EFCAB3: variants seen among roughly 807,000 people sequenced by gnomAD.
The protein encoded by EFCAB3 is EF-hand calcium binding domain 3.
In EFCAB3, 36 loss-of-function variants were observed where a neutral mutation model predicts 42.2. The ratio of observed to expected loss-of-function variants is 0.85; its 90% CI spans 0.65 to 1.13. The LOEUF (loss-of-function observed/expected upper bound fraction) is 1.13. EFCAB3 is among the 50% of genes most tolerant of loss of function. The pLI is 0.00. For missense variants in EFCAB3, 418 were observed against 505.1 expected (o/e 0.83, Z 1.65); for synonymous variants, 170 against 172.8 (o/e 0.98, Z 0.13).
intron 6 of EFCAB3, among the ~76,000 whole-genome samples, chr17:62,398,696 T>C (rs994169194): frequency 1.4e-5 from 2 of 142,394 alleles, no homozygotes; most frequent in African/African-American, 5.6e-5. Context: ...ATAATAATTA[T>C]ATATGTACAC....
intron 3 of EFCAB3, among the ~76,000 whole-genome samples, chr17:62,388,981 A>G (rs2070279709): frequency 6.6e-6 from 1 of 152,214 alleles, no homozygotes; most frequent in African/African-American, 2.4e-5. Flanking sequence ...TGATGGCCAC[A>G]AAGGAAGTTT....
At chr17:62,411,221 A>G (rs2070492383) in intron 8 of EFCAB3, among the ~76,000 whole-genome samples, 1 of 152,216 alleles carries the variant, frequency 6.6e-6, no homozygotes, top group Non-Finnish European at 1.5e-5. Context: ...ACTCTCAAAA[A>G]AAGTCAGTAG....
chr17:62,410,526 G>A (rs2070486168), intron 8 of EFCAB3, among the ~76,000 whole-genome samples: 1 of 152,106 alleles, frequency 6.6e-6, no homozygotes. Flanking sequence ...GGCCAAGGAA[G>A]GTGGATTGCT....
chr17:62,401,614 T>C (rs1598017445), intron 6 of EFCAB3, among the ~76,000 whole-genome samples: 1 of 152,228 alleles, frequency 6.6e-6, no homozygotes, highest in African/African-American at 2.4e-5. Flanking sequence ...TGTGGTATTA[T>C]TTCTGAGGAC....
intron 6 of EFCAB3, chr17:62,397,500 C>A (rs757465386): frequency 8.8e-6 from 5 of 567,774 alleles, no homozygotes; most frequent in Non-Finnish European, 1.7e-5. Context: ...TTGGGCACAG[C>A]CCTGAAGGCC....
chr17:62,409,282 C>T (rs1209936092), intron 8 of EFCAB3, among the ~76,000 whole-genome samples: 1 of 152,296 alleles, frequency 6.6e-6, no homozygotes, highest in Admixed American at 6.5e-5. Context: ...GTCTCAAACT[C>T]GTGACCTCAG....
chr17:62,383,204 A>G (rs2070219272), intron 2 of EFCAB3, 151 bp downstream of exon 2: 1 of 663,366 alleles, frequency 1.5e-6, no homozygotes. Flanking sequence ...GGCCAGATGC[A>G]GTGGCTCACA....
chr17:62,398,051 A>G, intron 6 of EFCAB3: 3 of 263,346 alleles, frequency 1.1e-5, no homozygotes, highest in Admixed American at 5.2e-5. Flanking sequence ...AAAAAAGGTG[A>G]TATTCCTGGA....
At chr17:62,389,793 A>T (rs1347485887) in intron 3 of EFCAB3, among the ~76,000 whole-genome samples, 1 of 149,278 alleles carries the variant, frequency 6.7e-6, no homozygotes, top group African/African-American at 2.5e-5. Flanking sequence ...TGATAGAAAT[A>T]AATGACTAAT....
At chr17:62,396,379 C>A (rs1019167462) in intron 6 of EFCAB3, among the ~76,000 whole-genome samples, 20 of 151,936 alleles carry the variant, frequency 1.3e-4, no homozygotes, top group Admixed American at 7.9e-4. Flanking sequence ...ATGGTGAAAC[C>A]CTGTCTCTAC....
At chr17:62,391,266 C>T (rs112691363) in intron 3 of EFCAB3, among the ~76,000 whole-genome samples, 12 of 152,062 alleles carry the variant, frequency 7.9e-5, no homozygotes, top group South Asian at 2.1e-4. Context: ...CTCCCAGTCT[C>T]ATTCAGATTT....
At chr17:62,380,923 T>G (rs974625253) in intron 1 of EFCAB3, 4 of 152,198 alleles carry the variant, frequency 2.6e-5, no homozygotes, top group African/African-American at 7.2e-5. Context: ...CATGGTTGGA[T>G]AGTATTCAAT....
intron 3 of EFCAB3, among the ~76,000 whole-genome samples, chr17:62,389,029 G>A (rs2070280138): frequency 1.3e-5 from 2 of 152,322 alleles, no homozygotes; most frequent in Middle Eastern, 3.4e-3. Flanking sequence ...GGCACAGCAT[G>A]CCAAGCATGT....
At chr17:62,407,939 T>C (rs1269835119) in intron 8 of EFCAB3, among the ~76,000 whole-genome samples, 1 of 152,156 alleles carries the variant, frequency 6.6e-6, no homozygotes, top group African/African-American at 2.4e-5. Flanking sequence ...CCTCCCCACA[T>C]AGAGTTTAAG....
At position 62,387,371 on chromosome 17, in the gene EFCAB3, C is replaced by T; in HGVS notation, c.106C>T (p.Gln36Ter). 1.9e-6 allele frequency: 3 copies of T among 1,611,544 alleles called. No individual in the cohort carries two copies. Among genetic ancestry groups the T allele is most frequent in the Non-Finnish European group, 2.5e-6 (3 of 1,178,608 alleles). The stretch of plus-strand genomic sequence containing the variant: ...AGACTTACCAGGATCTCTTCAATGC[C>T]AATTACAACACAAAGAAAAGAAGCT... ...DRDLPGSLQC[Q>*]LQHKEKKLSA... The change falls in exon 3 of 10, where the codon CAA (glutamine) becomes TAA (stop). Residue 36 changes from glutamine (Q) to a stop codon, truncating the protein, a stop_gained. Coordinates refer to ENST00000305286, the MANE Select transcript of EFCAB3 (RefSeq NM_173503.4). LOFTEE classifies it high-confidence loss of function.
chr17:62,388,963 C>T (rs971489504), intron 3 of EFCAB3, among the ~76,000 whole-genome samples: 12 of 152,102 alleles, frequency 7.9e-5, no homozygotes, highest in South Asian at 2.1e-4. Flanking sequence ...GACAGGCAGA[C>T]GCAGAAATGA....
At chr17:62,404,109 T>C (rs2070428224) in intron 6 of EFCAB3, among the ~76,000 whole-genome samples, 1 of 152,152 alleles carries the variant, frequency 6.6e-6, no homozygotes, top group South Asian at 2.1e-4. Flanking sequence ...CAGCCAGGAA[T>C]GGTGGTGCAG....
chr17:62,384,968 G>C (rs1239055181), intron 2 of EFCAB3, among the ~76,000 whole-genome samples: 1 of 152,162 alleles, frequency 6.6e-6, no homozygotes, highest in East Asian at 1.9e-4. Flanking sequence ...TAATGTAACT[G>C]TTCTGAGCAC....
intron 6 of EFCAB3, among the ~76,000 whole-genome samples, chr17:62,400,094 T>G (rs949057594): frequency 1.3e-5 from 2 of 152,128 alleles, no homozygotes; most frequent in South Asian, 2.1e-4. Context: ...AAGATCACAC[T>G]GGGATCTCCA....
Sources: gnomAD v4.1 joint callset for allele counts (sites outside exome capture counted in the v4.1 genomes callset) on GRCh38, gnomAD v4.1.1 for gene constraint, MANE v1.5 for transcripts, NCBI Gene and HGNC (gene_info 2026-07-23, HGNC 2026-07-21) for gene names.